The following C10orf143 variants were observed in gnomAD, a reference collection of about 807,000 sequenced individuals.
C10orf143 encodes uncharacterized protein C10orf143.
chr10:130,092,323 T>C (rs561843769), intron 1 of C10orf143, among the ~76,000 whole-genome samples: 2 of 152,284 alleles, frequency 1.3e-5, no homozygotes, highest in East Asian at 1.9e-4. Flanking sequence ...CTAAGCTTCA[T>C]TAAGTGAAAC....
chr10:130,039,510 C>G (rs964516348), intron 3 of C10orf143, among the ~76,000 whole-genome samples: 3 of 152,112 alleles, frequency 2.0e-5, no homozygotes. Context: ...ACTCAGCCCT[C>G]GATGAGGTGG....
In C10orf143 at chr10:130,077,179, G is replaced by A. The variant is rs554333624; in HGVS notation, c.297+2387C>T. 5.8e-4 allele frequency among the ~76,000 whole-genome samples: 89 copies of A among 152,196 alleles called. 1 individual carries two copies. Among genetic ancestry groups the A allele is most frequent in the Non-Finnish European group, 1.2e-3 (79 of 67,998 alleles). On this transcript the variant is annotated intron_variant, in intron 3 of 3. Coordinates refer to ENST00000637128, the MANE Select transcript of C10orf143 (RefSeq NM_001355042.2). ...CAGAATGAGTCAACAGAAATAGACC[G>A]AAATGCAAACTTGGAAAATGAGGTT...
At chr10:130,053,973 C>T (rs985478033) in intron 3 of C10orf143, among the ~76,000 whole-genome samples, 26 of 152,196 alleles carry the variant, frequency 1.7e-4, no homozygotes, top group African/African-American at 5.5e-4. Context: ...GCCATCCCTC[C>T]AAGTGCCACC....
intron 3 of C10orf143, among the ~76,000 whole-genome samples, chr10:130,042,340 T>C (rs1860617411): frequency 6.6e-6 from 1 of 152,200 alleles, no homozygotes; most frequent in African/African-American, 2.4e-5. Flanking sequence ...GAATAGAAAA[T>C]CTGCTAATTT....
chr10:130,106,163 C>A, intron 1 of C10orf143: 1 of 839,456 alleles, frequency 1.2e-6, no homozygotes, highest in Non-Finnish European at 2.0e-6. Context: ...TCATGGTTTT[C>A]CATGGGAAAT....
intron 1 of C10orf143, chr10:130,104,326 G>C (rs1444147245): frequency 6.6e-6 from 1 of 152,254 alleles, no homozygotes; most frequent in East Asian, 1.9e-4. Context: ...ACAGTGATAA[G>C]ACACTCGCAT....
chr10:130,088,073 T>C (rs1418098335), intron 1 of C10orf143, among the ~76,000 whole-genome samples: 1 of 152,198 alleles, frequency 6.6e-6, no homozygotes, highest in Non-Finnish European at 1.5e-5. Flanking sequence ...TAAGCAAATA[T>C]ACAGCAAATT....
At chr10:130,048,378 C>T (rs992870143) in intron 3 of C10orf143, among the ~76,000 whole-genome samples, 5 of 152,156 alleles carry the variant, frequency 3.3e-5, no homozygotes, top group African/African-American at 1.2e-4. Context: ...GGTTCCCTCT[C>T]TCCTGGGGCG....
intron 3 of C10orf143, chr10:130,068,631 G>GA (rs1860980445): frequency 1.3e-5 from 1 of 76,226 alleles, no homozygotes; most frequent in African/African-American, 5.1e-5. Flanking sequence ...AAAAAAAAAA[G>GA]AAGATTATGA....
intron 3 of C10orf143, among the ~76,000 whole-genome samples, chr10:130,057,397 A>C (rs1172891219): frequency 1.3e-5 from 2 of 152,076 alleles, no homozygotes; most frequent in Admixed American, 1.3e-4. Context: ...GGGCCCTTCC[A>C]AGTTTGCACT....
intron 3 of C10orf143, among the ~76,000 whole-genome samples, chr10:130,069,319 T>C (rs1408023995): frequency 6.6e-6 from 1 of 152,166 alleles, no homozygotes; most frequent in Non-Finnish European, 1.5e-5. Flanking sequence ...CTTTCCTCAA[T>C]ATCCAACAAA....
At chr10:130,089,532 G>A (rs1458555943) in intron 1 of C10orf143, among the ~76,000 whole-genome samples, 1 of 152,144 alleles carries the variant, frequency 6.6e-6, no homozygotes, top group Non-Finnish European at 1.5e-5. Flanking sequence ...TGACTGAGCT[G>A]GGTCAGCTGG....
At chr10:130,108,423 C>T (rs546712661) in intron 1 of C10orf143, 13 of 872,190 alleles carry the variant, frequency 1.5e-5, no homozygotes, top group South Asian at 5.2e-5. Flanking sequence ...GAGCCTGCTA[C>T]GGAACATCCA....
At chr10:130,106,614 C>G (rs1452370810) in intron 1 of C10orf143, 1 of 1,359,352 alleles carries the variant, frequency 7.4e-7, no homozygotes, top group Admixed American at 1.7e-5. Context: ...GTAGCTGAAG[C>G]CAAAATGATC....
chr10:130,055,818 G>A (rs1025336291), intron 3 of C10orf143, among the ~76,000 whole-genome samples: 3 of 151,592 alleles, frequency 2.0e-5, no homozygotes, highest in African/African-American at 7.3e-5. Flanking sequence ...TGGTGGTGCG[G>A]GCCTGTGGTC....
chr10:130,105,029 A>G (rs1368588966), intron 1 of C10orf143: 1 of 152,128 alleles, frequency 6.6e-6, no homozygotes, highest in Non-Finnish European at 1.5e-5. Context: ...CACGAGTTGA[A>G]GCAATTCTTC....
At chr10:130,060,361 T>C (rs892218426), downstream of C10orf143, among the ~76,000 whole-genome samples, 2 of 152,136 alleles carry the variant, frequency 1.3e-5, no homozygotes, top group African/African-American at 4.8e-5. Flanking sequence ...ACTTCTATAA[T>C]AGCAAGTAGA....
chr10:130,101,054 C>A (rs980235404), intron 1 of C10orf143: 1 of 151,674 alleles, frequency 6.6e-6, no homozygotes, highest in African/African-American at 2.4e-5. Context: ...CCCGTGGCGA[C>A]TAAAAATACA....
downstream of C10orf143, among the ~76,000 whole-genome samples, chr10:130,059,274 G>A (rs1860828886): frequency 3.3e-5 from 5 of 152,072 alleles, no homozygotes; most frequent in Admixed American, 3.3e-4. Context: ...CAAAAAAAGA[G>A]GCTGACAGAT....
Sources: gnomAD v4.1 joint callset for allele counts (sites outside exome capture counted in the v4.1 genomes callset) on GRCh38, gnomAD v4.1.1 for gene constraint, MANE v1.5 for transcripts, NCBI Gene and HGNC (gene_info 2026-07-23, HGNC 2026-07-21) for gene names.